Variants in STK25 observed in about 807,000 individuals in gnomAD.
STK25 encodes serine/threonine kinase 25.
A neutral mutation model predicts 53.8 loss-of-function variants in STK25; 29 were observed. The observed-to-expected ratio is 0.54, with a 90% CI of 0.40 to 0.74. The LOEUF (loss-of-function observed/expected upper bound fraction) is 0.74. Ranked by LOEUF, STK25 falls within the 30% of genes least tolerant of loss-of-function variation. The probability of loss-of-function intolerance (pLI) is 0.00; values close to 1 mark genes in which losing one functional copy is unlikely to be tolerated. For synonymous variants in STK25, 247 were observed against 238.3 expected, an observed-to-expected ratio of 1.04 and a Z score of -0.33; for missense variants, 420 against 568.0, an observed-to-expected ratio of 0.74 and a Z score of 2.65.
intron 2 of STK25, chr2:241,503,956 A>G (rs2065665591): frequency 4.3e-6 from 2 of 464,820 alleles, no homozygotes; most frequent in Non-Finnish European, 9.0e-6. Context: ...CTGAGGCGAC[A>G]CTTCCGTGTG....
At chr2:241,507,706 C>CA (rs2065924701) in intron 2 of STK25, among the ~76,000 whole-genome samples, 1 of 152,244 alleles carries the variant, frequency 6.6e-6, no homozygotes, top group African/African-American at 2.4e-5. Context: ...CTGGGGGCAG[C>CA]GCCCCGTCCC....
At position 241,508,508 on chromosome 2, in the gene STK25, C is replaced by T. The variant is rs866020065; in HGVS notation, c.-166G>A. On this transcript the variant is annotated 5_prime_UTR_variant, in exon 1 of 12. Coordinates refer to ENST00000316586, the MANE Select transcript of STK25 (RefSeq NM_001271977.2). ...CAGCGCCCGCGAAGGCTCCCACCCG[C>T]AGCCTCTGTTCGCCCGGGGACCCCG... The T allele has an allele frequency of 2.1e-5, 21 of 1,016,640 alleles. No homozygotes were observed. The highest frequency in any genetic ancestry group is 4.8e-4 in the Middle Eastern group (1 of 2,074). The allele number at this position is 1,016,640 out of a possible 1,614,324, so 63.0% of individuals were successfully genotyped here.
chr2:241,509,190 G>C (rs1252502579), upstream of STK25: 1 of 152,456 alleles, frequency 6.6e-6, no homozygotes, highest in East Asian at 1.9e-4. Flanking sequence ...CCTTGGGCGA[G>C]TTGCTTCGCC....
rs149705193 is a variant in STK25 at position 241,493,366 on chromosome 2, A to G, written c.*2296T>C. ...ATCCCCAGGGAGGCCGATGGCATACACAAAGACTATGTTTTCAAGCTCCAG... is the reference window on the plus strand; with the variant it reads ...ATCCCCAGGGAGGCCGATGGCATACGCAAAGACTATGTTTTCAAGCTCCAG... On this transcript the variant is annotated 3_prime_UTR_variant, in exon 12 of 12. Transcript: ENST00000316586. 1.2e-6 allele frequency: 2 copies of G among 1,614,026 alleles called. No individual in the cohort carries two copies. Among genetic ancestry groups the G allele is most frequent in the East Asian group, 4.5e-5 (2 of 44,882 alleles).
intron 2 of STK25, among the ~76,000 whole-genome samples, chr2:241,505,683 C>A (rs375340301): frequency 1.3e-5 from 2 of 152,178 alleles, no homozygotes; most frequent in Admixed American, 6.5e-5. Flanking sequence ...GGGAGCACAG[C>A]GGACCCCTAA....
At position 241,501,401 on chromosome 2, in the gene STK25, A is replaced by G. The variant is rs1345487938; in HGVS notation, c.261+77T>C. ...TCAAGACCGCCTTGCACCCTCTGGC[A>G]TGTCACTCAGTCCCTCTGACATGGA... On this transcript the variant is annotated intron_variant, in intron 3 of 11. Transcript: ENST00000316586. This position sits in a 1 kb window ranked among gnomAD's most constrained non-coding sequence, Gnocchi z 5.3. 2 of 1,438,114 alleles carry G rather than the reference A, an allele frequency of 1.4e-6. No individual in the cohort carries two copies. The highest frequency in any genetic ancestry group is 1.2e-5 in the South Asian group (1 of 83,532). 89.1% of individuals were successfully genotyped at this position (1,438,114 alleles called of 1,614,324 possible). A position where few individuals can be genotyped will look rare whatever the true frequency, so the allele number is the denominator to read the frequency against.
intron 2 of STK25, among the ~76,000 whole-genome samples, chr2:241,506,599 C>T (rs34845489): frequency 6.6e-5 from 10 of 152,162 alleles, no homozygotes; most frequent in Admixed American, 5.9e-4. Context: ...GAAACTCCGT[C>T]TCTACTAAAA....
chr2:241,503,651 C>T (rs1003310518), intron 2 of STK25, among the ~76,000 whole-genome samples: 1 of 145,240 alleles, frequency 6.9e-6, no homozygotes, highest in Non-Finnish European at 1.5e-5. Context: ...AGGCGGAGAT[C>T]GTGCCACTGC....
chr2:241,499,904 G>A (rs1262739920), intron 5 of STK25: 2 of 567,552 alleles, frequency 3.5e-6, no homozygotes, highest in African/African-American at 3.7e-5. Flanking sequence ...GCTGTGCCGT[G>A]CACCACAGGG....
chr2:241,509,001 C>G (rs546562431), upstream of STK25, among the ~76,000 whole-genome samples: 1 of 152,346 alleles, frequency 6.6e-6, no homozygotes, highest in African/African-American at 2.4e-5. Flanking sequence ...GGCGCCCTCC[C>G]CGCCTCGCCA....
Position 241,508,435 on chromosome 2 carries a change from G to T in STK25, c.-101+8C>A. On this transcript the variant is annotated splice_region_variant and intron_variant, in intron 1 of 11. Coordinates refer to ENST00000316586, the MANE Select transcript of STK25 (RefSeq NM_001271977.2). Reference sequence around the variant, plus strand: ...CGCCGCAAGCGCCCCGCCCGGCAGCGCGCCCACCTCCGCGGGGCTCCATCC... The same window carrying T: ...CGCCGCAAGCGCCCCGCCCGGCAGCTCGCCCACCTCCGCGGGGCTCCATCC... 2 of 1,079,482 alleles carry T rather than the reference G, an allele frequency of 1.9e-6. No homozygotes were observed. The highest frequency in any genetic ancestry group is 2.3e-6 in the Non-Finnish European group (2 of 886,668). 66.9% of individuals were successfully genotyped at this position (1,079,482 alleles called of 1,614,324 possible).
rs2065007510 is a variant in STK25, at chr2:241,493,509, A to G, written c.*2153T>C. On this transcript the variant is annotated 3_prime_UTR_variant, in exon 12 of 12. Coordinates refer to ENST00000316586, the MANE Select transcript of STK25 (RefSeq NM_001271977.2). The stretch of plus-strand genomic sequence containing the variant: ...CGATGTCCGCTCAGCTCCCATTTCT[A>G]CTCATGGTGGTGGAGGCAAGTTTTC... 4.0e-6 allele frequency: 6 copies of G among 1,518,954 alleles called. No individual in the cohort carries two copies. The African/African-American group carries it at 6.9e-5, about 17-fold the overall frequency. 94.1% of individuals were successfully genotyped at this position (1,518,954 alleles called of 1,614,324 possible).
intron 3 of STK25, 94 bp from the exon 4 acceptor site, chr2:241,500,890 GC>G (rs1340429427): frequency 1.8e-5 from 23 of 1,281,522 alleles, no homozygotes; most frequent in Middle Eastern, 3.8e-4. Flanking sequence ...CAGGGCCCAG[GC>G]CCCACCGGTC....
chr2:241,498,785 C>T lies in STK25; in HGVS notation c.772-1G>A. 6.2e-7 allele frequency: 1 copy of T among 1,613,782 alleles called. No individual in the cohort carries two copies. The highest frequency in any genetic ancestry group is 1.3e-5 in the African/African-American group (1 of 75,068). ...TCAGGAGCTCCTTGGCCGTGGGCCGCTGCAGGGGGTCAGGGGAACACTAGT... is the reference window on the plus strand; with the variant it reads ...TCAGGAGCTCCTTGGCCGTGGGCCGTTGCAGGGGGTCAGGGGAACACTAGT... On this transcript the variant is annotated splice_acceptor_variant, in intron 7 of 11. Coordinates refer to ENST00000316586, the MANE Select transcript of STK25 (RefSeq NM_001271977.2). LOFTEE classifies it high-confidence loss of function.
chr2:241,501,069 C>A lies in STK25; in HGVS notation c.262-273G>T. The A allele has an allele frequency of 1.7e-6, 1 of 575,778 alleles. No individual in the cohort carries two copies. Among genetic ancestry groups the A allele is most frequent in the South Asian group, 2.1e-5 (1 of 48,294 alleles). 35.7% of individuals were successfully genotyped at this position (575,778 alleles called of 1,614,324 possible). On this transcript the variant is annotated intron_variant, in intron 3 of 11. Transcript: ENST00000316586. The surrounding 1 kb of genome is among the most constrained non-coding windows in gnomAD (Gnocchi z 5.3). ...TCAAAAACCAGGCTGCTGATCCAGT[C>A]CTACAGGGCTGGGAAGAGGGCATGG...
At position 241,496,313 on chromosome 2, in the gene STK25, C is replaced by A. The variant is rs2065152752; in HGVS notation, c.1241+85G>T. Reference sequence around the variant, plus strand: ...CCATGTAGTGCCAAATGCAGCCACACCCACGAGTGAGCACTGGACCTCACC... The same window carrying A: ...CCATGTAGTGCCAAATGCAGCCACAACCACGAGTGAGCACTGGACCTCACC... On this transcript the variant is annotated intron_variant, in intron 11 of 11. Coordinates refer to ENST00000316586, the MANE Select transcript of STK25 (RefSeq NM_001271977.2). The surrounding 1 kb of genome is among the most constrained non-coding windows in gnomAD (Gnocchi z 5.8). 1.3e-6 allele frequency: 2 copies of A among 1,513,694 alleles called. No individual in the cohort carries two copies. The highest frequency in any genetic ancestry group is 2.7e-5 in the African/African-American group (2 of 72,852). 93.8% of individuals were successfully genotyped at this position (1,513,694 alleles called of 1,614,324 possible).
chr2:241,506,490 G>C (rs191215423), intron 2 of STK25, among the ~76,000 whole-genome samples: 5 of 152,210 alleles, frequency 3.3e-5, no homozygotes, highest in Non-Finnish European at 7.3e-5. Flanking sequence ...ACTGGTGGCC[G>C]AGCGCGGTGG....
intron 5 of STK25, 199 bp downstream of exon 5, chr2:241,499,974 C>T: frequency 1.5e-6 from 1 of 677,064 alleles, no homozygotes; most frequent in Non-Finnish European, 2.7e-6. Flanking sequence ...CTGGTTTCCT[C>T]AGCGTACAAG....
intron 5 of STK25, 94 bp downstream of exon 5, chr2:241,500,079 G>A (rs778321565): frequency 9.6e-7 from 1 of 1,043,954 alleles, no homozygotes; most frequent in Non-Finnish European, 1.5e-6. Flanking sequence ...CAGACCCTGG[G>A]CACCACTAGC....
Sources: allele counts gnomAD v4.1 joint callset (sites outside exome capture counted in the v4.1 genomes callset), GRCh38; gene constraint gnomAD v4.1.1; non-coding constraint Gnocchi (gnomAD v3.1); transcripts MANE v1.5; gene names NCBI Gene and HGNC (gene_info 2026-07-23, HGNC 2026-07-21).